Variants in POPDC2 observed in about 807,000 individuals in gnomAD.
POPDC2 encodes the protein popeye domain-containing protein 2.
Under a neutral mutation model 30.5 loss-of-function variants are expected in POPDC2, and 24 were observed. That is an observed-to-expected ratio of 0.79 (90% CI 0.57 to 1.11). POPDC2 has a LOEUF of 1.11. Among genes scored for constraint, POPDC2 ranks in the 50% least tolerant of loss-of-function variants. The probability of loss-of-function intolerance (pLI) is 0.00; values close to 1 mark genes in which losing one functional copy is unlikely to be tolerated. For synonymous variants in POPDC2, 185 were observed against 183.3 expected (o/e 1.01, Z -0.07); for missense variants, 409 against 447.0 (o/e 0.91, Z 0.77).
intron 2 of POPDC2, among the ~76,000 whole-genome samples, chr3:119,653,057 CATGTGTGTGTGTGT>C (rs2052831287): frequency 6.9e-6 from 1 of 144,602 alleles, no homozygotes; most frequent in South Asian, 2.2e-4. Flanking sequence ...CATGCGTGTG[CATGTGTGTGTGTGT>C]ATGTGTGTGT....
At position 119,642,310 on chromosome 3, in the gene POPDC2, T is replaced by C. The variant is rs2052698927; in HGVS notation, c.*295A>G. ...GTTTGTGAGGGTGAATTTCTCAAAG[T>C]CACTTCAGGTCCTTACTGTAGCGAC... is the stretch of plus-strand genomic sequence containing the variant. On this transcript the variant is annotated 3_prime_UTR_variant, in exon 4 of 4. Transcript: ENST00000493094. 2.0e-6 allele frequency: 1 copy of C among 501,008 alleles called. No homozygotes were observed. Among genetic ancestry groups the C allele is most frequent in the Non-Finnish European group, 3.6e-6 (1 of 275,126 alleles). The allele number at this position is 501,008 out of a possible 1,614,324, so 31.0% of individuals were successfully genotyped here.
Position 119,648,135 on chromosome 3 carries a change from G to C in POPDC2, c.*27C>G. The stretch of plus-strand genomic sequence containing the variant: ...AGTACTTACATAGGATCCTGAGCCG[G>C]TGGCTGTGCCCATGTTAGTTCTCCC... On this transcript the variant is annotated 3_prime_UTR_variant, in exon 3 of 4. Transcript: ENST00000493094. 1 of 1,477,598 alleles carries C rather than the reference G, an allele frequency of 6.8e-7. No individual in the cohort carries two copies. The highest frequency in any genetic ancestry group is 2.5e-5 in the East Asian group (1 of 40,184). The allele number at this position is 1,477,598 out of a possible 1,614,324, so 91.5% of individuals were successfully genotyped here.
Position 119,654,626 on chromosome 3 carries a change from G to A in POPDC2, c.492-13C>T. ...GCTCACACGAACCCTGGCAAGGGAAGAGAAGAGATCATGTGGGAAAAGGAA... is the reference window on the plus strand; with the variant it reads ...GCTCACACGAACCCTGGCAAGGGAAAAGAAGAGATCATGTGGGAAAAGGAA... On this transcript the variant is annotated splice_polypyrimidine_tract_variant and intron_variant, in intron 1 of 3. Transcript: ENST00000493094. 2 of 1,605,296 alleles carry A rather than the reference G, an allele frequency of 1.2e-6. No homozygotes were observed. The highest frequency in any genetic ancestry group is 1.7e-6 in the Non-Finnish European group (2 of 1,172,026).
At chr3:119,655,660 T>C (rs2052871194) in intron 1 of POPDC2, among the ~76,000 whole-genome samples, 1 of 152,246 alleles carries the variant, frequency 6.6e-6, no homozygotes, top group South Asian at 2.1e-4. Context: ...CAGTGTTCTC[T>C]TATATAATGT....
chr3:119,656,351 T>C (rs997633013), intron 1 of POPDC2, among the ~76,000 whole-genome samples: 17 of 152,178 alleles, frequency 1.1e-4, no homozygotes, highest in Middle Eastern at 3.4e-3. Flanking sequence ...CAGCCAGAAA[T>C]CCGAATTATT....
chr3:119,642,836 T>G (rs1040886362), intron 3 of POPDC2, among the ~76,000 whole-genome samples: 2 of 152,208 alleles, frequency 1.3e-5, no homozygotes, highest in South Asian at 2.1e-4. Context: ...TCTATAGAAC[T>G]CTACTTCTTA....
chr3:119,647,325 A>T (rs375428853), intron 3 of POPDC2, among the ~76,000 whole-genome samples: 1 of 142,070 alleles, frequency 7.0e-6, no homozygotes, highest in Non-Finnish European at 1.6e-5. Flanking sequence ...TCACAGTATT[A>T]TGAGGGCAGC....
chr3:119,653,277 G>T (rs1266249103), intron 2 of POPDC2, among the ~76,000 whole-genome samples: 2 of 152,132 alleles, frequency 1.3e-5, no homozygotes, highest in African/African-American at 4.8e-5. Context: ...AATCAATGAG[G>T]CAATATGATA....
rs77900383 is a variant in POPDC2, at chr3:119,642,565, T to C, written c.*44-4A>G. On this transcript the variant is annotated splice_polypyrimidine_tract_variant and splice_region_variant and intron_variant, in intron 3 of 3. Transcript: ENST00000493094. ...CTCTGGAGAGGAATTCTAGAAGCTGTGGAAAGAAAAAGAGGGAGGATTTTA... is the reference window on the plus strand; with the variant it reads ...CTCTGGAGAGGAATTCTAGAAGCTGCGGAAAGAAAAAGAGGGAGGATTTTA... 63,900 of 1,601,330 alleles carry C rather than the reference T, an allele frequency of 0.04. 2,110 individuals are homozygous for C. Among genetic ancestry groups the C allele is most frequent in the South Asian group, 0.15 (13,326 of 90,612 alleles).
At chr3:119,652,353 A>C (rs879680442) in intron 2 of POPDC2, among the ~76,000 whole-genome samples, 3 of 152,262 alleles carry the variant, frequency 2.0e-5, no homozygotes, top group African/African-American at 7.2e-5. Flanking sequence ...CAGTCAACAA[A>C]GACTATGTAA....
rs1362776487 is a variant in POPDC2 at position 119,648,025 on chromosome 3, G to A, written c.*43+94C>T. Reference sequence around the variant, plus strand: ...CCACTTTCTGTGAGTCCTCTAAGAGGAAATGTTCCACGAATGATTTTTTTT... The same window carrying A: ...CCACTTTCTGTGAGTCCTCTAAGAGAAAATGTTCCACGAATGATTTTTTTT... On this transcript the variant is annotated intron_variant, in intron 3 of 3. Transcript: ENST00000493094. The A allele has an allele frequency of 1.9e-5, 20 of 1,065,238 alleles. No individual in the cohort carries two copies. In the Admixed American group the frequency reaches 6.1e-4, roughly 33 times the overall value. The allele number at this position is 1,065,238 out of a possible 1,614,324, so 66.0% of individuals were successfully genotyped here.
intron 1 of POPDC2, among the ~76,000 whole-genome samples, chr3:119,659,633 GTTAT>G (rs1173628700): frequency 1.3e-5 from 2 of 152,216 alleles, no homozygotes; most frequent in East Asian, 3.8e-4. Context: ...TGGTAGAGGG[GTTAT>G]TTAAGGCCCA....
chr3:119,646,350 G>T (rs1266930048), intron 3 of POPDC2, among the ~76,000 whole-genome samples: 1 of 152,152 alleles, frequency 6.6e-6, no homozygotes, highest in Non-Finnish European at 1.5e-5. Flanking sequence ...CAGCAAACTG[G>T]CCAGGCATGG....
At chr3:119,647,991 G>T in intron 3 of POPDC2, 128 bp downstream of exon 3, 1 of 677,652 alleles carries the variant, frequency 1.5e-6, no homozygotes, top group Non-Finnish European at 2.3e-6. Context: ...CTTCAAAGTT[G>T]GGTTAATGCC....
At chr3:119,659,727 A>C (rs74699713) in intron 1 of POPDC2, among the ~76,000 whole-genome samples, 1 of 152,154 alleles carries the variant, frequency 6.6e-6, no homozygotes, top group Non-Finnish European at 1.5e-5. Flanking sequence ...TGCCTCATGA[A>C]CTGGTTTCTT....
intron 1 of POPDC2, among the ~76,000 whole-genome samples, chr3:119,659,211 G>T (rs977177271): frequency 6.6e-6 from 1 of 152,156 alleles, no homozygotes; most frequent in South Asian, 2.1e-4. Flanking sequence ...CAAAAGAGGC[G>T]GTGCTTCCAC....
At chr3:119,650,820 C>T (rs1404172293) in intron 2 of POPDC2, among the ~76,000 whole-genome samples, 2 of 152,208 alleles carry the variant, frequency 1.3e-5, no homozygotes, top group Non-Finnish European at 2.9e-5. Flanking sequence ...CTTAAATATC[C>T]AGTTGCCTAT....
At chr3:119,651,319 A>C (rs1577169827) in intron 2 of POPDC2, among the ~76,000 whole-genome samples, 1 of 149,392 alleles carries the variant, frequency 6.7e-6, no homozygotes, top group Non-Finnish European at 1.5e-5. Context: ...TTCCATGACC[A>C]CCCTATTTAA....
rs777549922 is a variant in POPDC2, at chr3:119,642,462, T to C, written c.*143A>G. The C allele has an allele frequency of 9.5e-6, 15 of 1,578,460 alleles. No individual in the cohort carries two copies. The highest frequency in any genetic ancestry group is 3.3e-5 in the South Asian group (3 of 90,332). On this transcript the variant is annotated 3_prime_UTR_variant, in exon 4 of 4. Transcript: ENST00000493094. ...AGAGCTGCGCTGGCCACAGAGAAGA[T>C]AGTCCAATGATCCTTAAAGTTCAGG...
Sources: allele counts gnomAD v4.1 joint callset (sites outside exome capture counted in the v4.1 genomes callset), GRCh38; gene constraint gnomAD v4.1.1; transcripts MANE v1.5; gene names NCBI Gene and HGNC (gene_info 2026-07-23, HGNC 2026-07-21).